The following ZNF431 variants were observed in gnomAD, a reference collection of about 807,000 sequenced individuals.
ZNF431 encodes the protein zinc finger protein 431.
A neutral mutation model predicts 57.0 loss-of-function variants in ZNF431; 34 were observed. The observed-to-expected ratio is 0.60, with a 90% CI of 0.45 to 0.79. The LOEUF (loss-of-function observed/expected upper bound fraction) is 0.79, where lower values mean the gene tolerates loss of function less well. Ranked by LOEUF, ZNF431 falls within the 30% of genes least tolerant of loss-of-function variation. The pLI is 0.00. For missense variants in ZNF431, 607 were observed against 667.1 expected (o/e 0.91, Z 0.99); for synonymous variants, 207 against 220.3 (o/e 0.94, Z 0.54).
rs1568322460 is a variant in ZNF431 at position 21,193,142 on chromosome 19, C to T, written c.*9108C>T. On this transcript the variant is annotated 3_prime_UTR_variant, in exon 5 of 5. Transcript: ENST00000311048. ...ATAAAATCACAGCCGAATTTTAACACATATACAGAGATGAGCTGGTATTAC... is the reference window on the plus strand; with the variant it reads ...ATAAAATCACAGCCGAATTTTAACATATATACAGAGATGAGCTGGTATTAC... 1 of 152,208 alleles carries T rather than the reference C, an allele frequency of 6.6e-6. No homozygotes were observed. Among genetic ancestry groups the T allele is most frequent in the Non-Finnish European group, 1.5e-5 (1 of 68,040 alleles). The allele number at this position is 152,208 out of a possible 1,614,324, so 9.4% of individuals were successfully genotyped here.
intron 2 of ZNF431, among the ~76,000 whole-genome samples, chr19:21,145,905 A>C (rs1970076546): frequency 6.6e-6 from 1 of 152,300 alleles, no homozygotes; most frequent in South Asian, 2.1e-4. Context: ...AGATCAGAGA[A>C]TGTTTTACCA....
In ZNF431 at chr19:21,142,153, T is replaced by C. The variant is rs1365877548; in HGVS notation, c.-31T>C. On this transcript the variant is annotated 5_prime_UTR_variant, in exon 1 of 5. Transcript: ENST00000311048. ...CTGCAGGTATTGGGAGACCCACAGCTAAGACACCGGGACCCCCTGAAAGCC... is the reference window on the plus strand; with the variant it reads ...CTGCAGGTATTGGGAGACCCACAGCCAAGACACCGGGACCCCCTGAAAGCC... 6.2e-7 allele frequency: 1 copy of C among 1,612,300 alleles called. No homozygotes were observed. Among genetic ancestry groups the C allele is most frequent in the African/African-American group, 1.3e-5 (1 of 74,890 alleles).
At position 21,188,367 on chromosome 19, in the gene ZNF431, T is replaced by C. The variant is rs1971428974; in HGVS notation, c.*4333T>C. ...TCTTACTAGATTCTTATACAAAGTG[T>C]GGCAAATATAAAACTTGCTTGAAAA... On this transcript the variant is annotated 3_prime_UTR_variant, in exon 5 of 5. Transcript: ENST00000311048. 6.6e-6 allele frequency: 1 copy of C among 152,118 alleles called. No individual in the cohort carries two copies. The highest frequency in any genetic ancestry group is 2.4e-5 in the African/African-American group (1 of 41,442). 9.4% of individuals were successfully genotyped at this position (152,118 alleles called of 1,614,324 possible).
chr19:21,174,333 C>A (rs1970990333), intron 4 of ZNF431, among the ~76,000 whole-genome samples: 1 of 152,086 alleles, frequency 6.6e-6, no homozygotes, highest in Admixed American at 6.6e-5. Context: ...CAAATGATGT[C>A]TTGATCGCCA....
chr19:21,170,989 T>C (rs1054442994), intron 4 of ZNF431, among the ~76,000 whole-genome samples: 1 of 152,250 alleles, frequency 6.6e-6, no homozygotes, highest in Middle Eastern at 3.2e-3. Flanking sequence ...AATTTATTTC[T>C]AAATATTTGT....
chr19:21,151,209 C>G (rs1315351689), intron 2 of ZNF431: 1 of 152,058 alleles, frequency 6.6e-6, no homozygotes, highest in Non-Finnish European at 1.5e-5. Context: ...GCGAGTACCA[C>G]CACACCAGGC....
chr19:21,179,030 C>T (rs531890885), intron 4 of ZNF431, among the ~76,000 whole-genome samples: 3 of 151,944 alleles, frequency 2.0e-5, no homozygotes, highest in African/African-American at 7.2e-5. Context: ...AGGCTGTTCC[C>T]GCCTCAATTT....
intron 4 of ZNF431, among the ~76,000 whole-genome samples, chr19:21,181,168 A>AT (rs926611499): frequency 1.1e-4 from 16 of 151,730 alleles, no homozygotes; most frequent in African/African-American, 1.9e-4. Context: ...GTGTATGTGC[A>AT]TTTTTTTTCC....
At chr19:21,151,701 G>A (rs957577368) in intron 2 of ZNF431, among the ~76,000 whole-genome samples, 13 of 152,166 alleles carry the variant, frequency 8.5e-5, no homozygotes, top group Non-Finnish European at 1.9e-4. Flanking sequence ...GCAGCCTTAA[G>A]GGGTCCTAGG....
At position 21,183,151 on chromosome 19, in the gene ZNF431, C is replaced by T. The variant is rs1971258484; in HGVS notation, c.848C>T (p.Thr283Ile). Residue 283 changes from threonine to isoleucine, a missense_variant, in exon 5 of 5, where the codon ACT becomes ATT. Coordinates refer to ENST00000311048, the MANE Select transcript of ZNF431 (RefSeq NM_133473.4). ...STLTTHKIIH[T>I]GEKPYRCEEC... ...CTTACTACACATAAGATAATTCATACTGGGGAGAAACCATATAGATGTGAA... is the reference window on the plus strand; with the variant it reads ...CTTACTACACATAAGATAATTCATATTGGGGAGAAACCATATAGATGTGAA... The T allele has an allele frequency of 2.5e-6, 4 of 1,613,826 alleles. No individual in the cohort carries two copies. The highest frequency in any genetic ancestry group is 3.4e-6 in the Non-Finnish European group (4 of 1,179,936).
intron 1 of ZNF431, among the ~76,000 whole-genome samples, chr19:21,143,165 A>G (rs926111580): frequency 1.3e-5 from 2 of 152,112 alleles, no homozygotes; most frequent in African/African-American, 4.8e-5. Context: ...CTTTTAGTGT[A>G]CTTTTCTATA....
chr19:21,177,638 A>T (rs1336365294), intron 4 of ZNF431, among the ~76,000 whole-genome samples: 1 of 152,124 alleles, frequency 6.6e-6, no homozygotes, highest in African/African-American at 2.4e-5. Context: ...AATACAAAAA[A>T]TTAGCCTGGC....
intron 2 of ZNF431, among the ~76,000 whole-genome samples, chr19:21,163,808 C>G (rs1339597297): frequency 1.3e-5 from 2 of 152,182 alleles, no homozygotes; most frequent in African/African-American, 4.8e-5. Flanking sequence ...GCGTGAGTCA[C>G]TGCTCCTGAT....
At chr19:21,167,450 C>G in intron 3 of ZNF431, 121 bp from the exon 4 acceptor site, 1 of 663,222 alleles carries the variant, frequency 1.5e-6, no homozygotes, top group Non-Finnish European at 2.1e-6. Flanking sequence ...TGAGCAACTG[C>G]GCCCAGCCTT....
At chr19:21,172,161 G>A (rs567766784) in intron 4 of ZNF431, among the ~76,000 whole-genome samples, 1 of 151,296 alleles carries the variant, frequency 6.6e-6, no homozygotes, top group Admixed American at 6.6e-5. Context: ...AGTCACGGTG[G>A]CTCATGCCTA....
At chr19:21,145,429 A>G (rs1233388279) in intron 2 of ZNF431, among the ~76,000 whole-genome samples, 1 of 152,214 alleles carries the variant, frequency 6.6e-6, no homozygotes, top group Admixed American at 6.5e-5. Flanking sequence ...GTGAGCCAAG[A>G]TCGCGCCACT....
At chr19:21,148,776 T>C (rs1970182888) in intron 2 of ZNF431, among the ~76,000 whole-genome samples, 1 of 152,190 alleles carries the variant, frequency 6.6e-6, no homozygotes, top group African/African-American at 2.4e-5. Context: ...GTAAGGAATT[T>C]TAATTACATA....
intron 3 of ZNF431, 124 bp from the exon 4 acceptor site, chr19:21,167,447 C>T: frequency 1.6e-6 from 1 of 638,138 alleles, no homozygotes; most frequent in Non-Finnish European, 2.2e-6. Flanking sequence ...GTGTGAGCAA[C>T]TGCGCCCAGC....
chr19:21,143,604 G>A lies in ZNF431; in HGVS notation c.57G>A (p.Gly19=), dbSNP rs148958216. The change falls in exon 2 of 5, where the codon GGG becomes GGA. Residue 19 remains glycine (G), a synonymous_variant. Coordinates refer to ENST00000311048, the MANE Select transcript of ZNF431 (RefSeq NM_133473.4). ...TCAAGGAAGCAAGTGGATGCCCTGG[G>A]GCTGAGAGGAATCTTCTAGTTTACT... The part of the protein sequence containing the change: ...YPLKEASGCP[G]AERNLLVYSY... The A allele has an allele frequency of 6.2e-7, 1 of 1,613,890 alleles. No individual in the cohort carries two copies. The highest frequency in any genetic ancestry group is 8.5e-7 in the Non-Finnish European group (1 of 1,179,868).
Sources: allele counts gnomAD v4.1 joint callset (sites outside exome capture counted in the v4.1 genomes callset), GRCh38; gene constraint gnomAD v4.1.1; transcripts MANE v1.5; gene names NCBI Gene and HGNC (gene_info 2026-07-23, HGNC 2026-07-21).